The following CSMD1 variants were observed in gnomAD, a reference collection of about 807,000 sequenced individuals.
CSMD1 encodes CUB and Sushi multiple domains 1, also known as CUB and sushi domain-containing protein 1.
CSMD1 carries 213 observed loss-of-function variants against 417.5 expected under a neutral mutation model. The ratio of observed to expected loss-of-function variants is 0.51; its 90% CI spans 0.46 to 0.57. CSMD1 has a LOEUF of 0.57. CSMD1 is among the 20% of genes least tolerant of loss of function. CSMD1 has a pLI of 0.00. For synonymous variants in CSMD1, 2,862 were observed against 1,736.8 expected, an observed-to-expected ratio of 1.65 and a Z score of -16.11; for missense variants, 6,923 against 4,529.7, an observed-to-expected ratio of 1.53 and a Z score of -15.17.
At chr8:4,755,650 A>T (rs151009020) in intron 1 of CSMD1, among the ~76,000 whole-genome samples, 1 of 152,186 alleles carries the variant, frequency 6.6e-6, no homozygotes, top group Non-Finnish European at 1.5e-5. Flanking sequence ...TGCCAAACAC[A>T]TCTGTCAATG....
chr8:4,681,456 G>T (rs755564116), intron 1 of CSMD1, among the ~76,000 whole-genome samples: 2 of 152,098 alleles, frequency 1.3e-5, no homozygotes, highest in African/African-American at 4.8e-5. Context: ...ACTGGACTTT[G>T]GTGAAATGAA....
intron 7 of CSMD1, among the ~76,000 whole-genome samples, chr8:3,694,256 G>C (rs1055984200): frequency 6.6e-6 from 1 of 152,080 alleles, no homozygotes; most frequent in Non-Finnish European, 1.5e-5. Flanking sequence ...AGTCCAGGAA[G>C]AGCCTGGTCA....
At chr8:3,737,140 G>A (rs1189679786) in intron 6 of CSMD1, among the ~76,000 whole-genome samples, 2 of 152,146 alleles carry the variant, frequency 1.3e-5, no homozygotes, top group African/African-American at 4.8e-5. Flanking sequence ...AAATTAGATG[G>A]GAACAGAGAC....
chr8:4,295,088 GATTA>G, intron 3 of CSMD1, among the ~76,000 whole-genome samples: 1 of 144,688 alleles, frequency 6.9e-6, no homozygotes, highest in African/African-American at 2.5e-5. Flanking sequence ...ATAATCTTAA[GATTA>G]CACACATATA....
At chr8:4,075,491 G>A (rs865831175) in intron 3 of CSMD1, among the ~76,000 whole-genome samples, 5 of 152,076 alleles carry the variant, frequency 3.3e-5, no homozygotes, top group African/African-American at 9.7e-5. Flanking sequence ...AAATAAAGTG[G>A]CAAATGAATT....
intron 15 of CSMD1, among the ~76,000 whole-genome samples, chr8:3,405,081 T>C (rs1009198966): frequency 2.6e-4 from 39 of 152,152 alleles, no homozygotes; most frequent in African/African-American, 9.2e-4. Context: ...ATATAATCAA[T>C]AGTATGATTA....
intron 10 of CSMD1, among the ~76,000 whole-genome samples, chr8:3,536,844 C>A (rs1798221394): frequency 6.6e-6 from 1 of 152,134 alleles, no homozygotes; most frequent in South Asian, 2.1e-4. Context: ...GTCCCACGGT[C>A]CGTGTTCTGT....
intron 1 of CSMD1, among the ~76,000 whole-genome samples, chr8:4,704,107 T>C (rs1348942878): frequency 6.6e-6 from 1 of 152,210 alleles, no homozygotes; most frequent in Non-Finnish European, 1.5e-5. Context: ...CAACGTCTGA[T>C]ACAGGCCTTC....
chr8:3,895,519 C>T (rs1167140216), intron 5 of CSMD1, among the ~76,000 whole-genome samples: 1 of 151,950 alleles, frequency 6.6e-6, no homozygotes, highest in Non-Finnish European at 1.5e-5. Context: ...TGTATCTATC[C>T]TTAGGGAATA....
chr8:3,986,283 A>G (rs1023231600), intron 5 of CSMD1, among the ~76,000 whole-genome samples: 1 of 152,054 alleles, frequency 6.6e-6, no homozygotes, highest in Non-Finnish European at 1.5e-5. Flanking sequence ...TTCTCTCTAC[A>G]ATCCTTCCCT....
At chr8:3,150,479 CCTA>C (rs1819128052) in intron 40 of CSMD1, among the ~76,000 whole-genome samples, 1 of 152,194 alleles carries the variant, frequency 6.6e-6, no homozygotes, top group Non-Finnish European at 1.5e-5. Flanking sequence ...ACTGCTCACT[CCTA>C]CTGCTACTGC....
Position 3,814,533 on chromosome 8 carries a change from G to C in CSMD1, c.819-60491C>G, listed in dbSNP as rs374927180. On this transcript the variant is annotated intron_variant, in intron 5 of 69. Coordinates refer to ENST00000635120, the MANE Select transcript of CSMD1 (RefSeq NM_033225.6). ...CCGTGACGCCATTTGGCACTACCTG[G>C]AGACGCCTGTGGTTGTGATATCAGG... is the stretch of plus-strand genomic sequence containing the variant. Among the ~76,000 whole-genome samples, 294 of 152,296 alleles carry C rather than the reference G, an allele frequency of 1.9e-3. 1 individual carries two copies. The highest frequency in any genetic ancestry group is 6.8e-3 in the East Asian group (35 of 5,168).
At chr8:4,257,086 T>C (rs1019070251) in intron 3 of CSMD1, among the ~76,000 whole-genome samples, 1 of 152,132 alleles carries the variant, frequency 6.6e-6, no homozygotes, top group African/African-American at 2.4e-5. Flanking sequence ...TCTTAGAACT[T>C]TTTAATACCA....
intron 33 of CSMD1, among the ~76,000 whole-genome samples, chr8:3,197,902 A>G (rs544463293): frequency 9.8e-5 from 15 of 152,288 alleles, no homozygotes; most frequent in Non-Finnish European, 1.5e-4. Flanking sequence ...GTTCTTCCAA[A>G]AAAACTTAGT....
At chr8:4,362,316 G>A (rs34145080) in intron 3 of CSMD1, among the ~76,000 whole-genome samples, 2 of 151,970 alleles carry the variant, frequency 1.3e-5, no homozygotes, top group South Asian at 2.1e-4. Context: ...CTTGGCCCTG[G>A]GGTTGTAACT....
At chr8:3,962,426 C>A (rs139297231) in intron 5 of CSMD1, among the ~76,000 whole-genome samples, 3 of 152,328 alleles carry the variant, frequency 2.0e-5, no homozygotes, top group East Asian at 1.9e-4. Context: ...ACCACCCTCA[C>A]CTCTCAGCTG....
intron 33 of CSMD1, among the ~76,000 whole-genome samples, chr8:3,196,145 A>G (rs1414427051): frequency 6.6e-6 from 1 of 152,186 alleles, no homozygotes; most frequent in East Asian, 1.9e-4. Context: ...ACTGCTCATT[A>G]TATACTAATT....
intron 3 of CSMD1, among the ~76,000 whole-genome samples, chr8:4,081,471 C>A (rs577573167): frequency 6.6e-6 from 1 of 152,260 alleles, no homozygotes; most frequent in African/African-American, 2.4e-5. Context: ...GTCATGGGAA[C>A]ACTAAATTAG....
chr8:4,032,353 C>G (rs1467312036), intron 3 of CSMD1, among the ~76,000 whole-genome samples: 1 of 152,122 alleles, frequency 6.6e-6, no homozygotes, highest in Admixed American at 6.5e-5. Context: ...TATAGTCCTG[C>G]TTTTATTCAG....
Sources: gnomAD v4.1 joint callset for allele counts (sites outside exome capture counted in the v4.1 genomes callset) on GRCh38, gnomAD v4.1.1 for gene constraint, MANE v1.5 for transcripts, NCBI Gene and HGNC (gene_info 2026-07-23, HGNC 2026-07-21) for gene names.